The following DENND6A variants were observed in gnomAD, a reference collection of about 807,000 sequenced individuals.
DENND6A encodes the protein DENN domain containing 6A.
In DENND6A, 43 loss-of-function variants were observed where a neutral mutation model predicts 95.5. The observed-to-expected ratio is 0.45, with a 90% CI of 0.35 to 0.58. The LOEUF (loss-of-function observed/expected upper bound fraction) is 0.58, where lower values mean the gene tolerates loss of function less well. Ranked by LOEUF, DENND6A falls within the 20% of genes least tolerant of loss-of-function variation. The pLI, the probability that DENND6A is intolerant of heterozygous loss-of-function variation, is 0.00. For synonymous variants in DENND6A, 257 were observed against 260.4 expected, an observed-to-expected ratio of 0.99 and a Z score of 0.13; for missense variants, 574 against 736.0, an observed-to-expected ratio of 0.78 and a Z score of 2.55.
chr3:57,664,738 C>T (rs1448131956), intron 4 of DENND6A, among the ~76,000 whole-genome samples: 2 of 152,134 alleles, frequency 1.3e-5, no homozygotes, highest in Non-Finnish European at 2.9e-5. Flanking sequence ...GAGGCTGAGG[C>T]AGGAGAATCG....
At chr3:57,672,345 A>G (rs1575856565) in intron 2 of DENND6A, 47 bp from the exon 3 acceptor site, 1 of 1,609,772 alleles carries the variant, frequency 6.2e-7, no homozygotes, top group African/African-American at 1.3e-5. Flanking sequence ...TACATAATCA[A>G]TAAAAACAAA....
chr3:57,666,273 T>G, intron 3 of DENND6A, 38 bp from the exon 4 acceptor site: 1 of 1,457,170 alleles, frequency 6.9e-7, no homozygotes, highest in South Asian at 1.2e-5. Flanking sequence ...AAGGATAGCT[T>G]AGTATAACAT....
intron 1 of DENND6A, among the ~76,000 whole-genome samples, chr3:57,682,175 G>C (rs966359286): frequency 6.6e-6 from 1 of 150,636 alleles, no homozygotes; most frequent in Non-Finnish European, 1.5e-5. Context: ...ATATTCTGCG[G>C]GAAGCTGAAG....
intron 9 of DENND6A, among the ~76,000 whole-genome samples, chr3:57,651,328 T>C (rs1428620867): frequency 6.6e-6 from 1 of 152,208 alleles, no homozygotes; most frequent in Non-Finnish European, 1.5e-5. Context: ...AACCCCCTTA[T>C]AAGTCTAGGA....
At chr3:57,653,133 T>A (rs2071245100) in intron 9 of DENND6A, among the ~76,000 whole-genome samples, 1 of 152,204 alleles carries the variant, frequency 6.6e-6, no homozygotes, top group South Asian at 2.1e-4. Flanking sequence ...AAAAAAGTCT[T>A]CTGTATTGTA....
chr3:57,662,411 CA>C (rs2071440589), intron 5 of DENND6A, among the ~76,000 whole-genome samples: 1 of 151,752 alleles, frequency 6.6e-6, no homozygotes, highest in South Asian at 2.1e-4. Context: ...CCATGTTGCC[CA>C]GGCTGGTCTC....
At chr3:57,656,136 A>C (rs1163560555) in intron 9 of DENND6A, among the ~76,000 whole-genome samples, 1 of 152,242 alleles carries the variant, frequency 6.6e-6, no homozygotes, top group African/African-American at 2.4e-5. Flanking sequence ...CCAAAGATCT[A>C]GAATAGTTCC....
intron 12 of DENND6A, among the ~76,000 whole-genome samples, chr3:57,635,558 G>T (rs1034271624): frequency 1.3e-5 from 2 of 152,076 alleles, no homozygotes; most frequent in Non-Finnish European, 2.9e-5. Flanking sequence ...ACAATCTAGA[G>T]ATTATATTAT....
chr3:57,638,647 A>C (rs1234548168), intron 12 of DENND6A, among the ~76,000 whole-genome samples: 1 of 151,798 alleles, frequency 6.6e-6, no homozygotes, highest in Non-Finnish European at 1.5e-5. Flanking sequence ...ACAGGGTGAG[A>C]CTCCGTTTCA....
At position 57,641,872 on chromosome 3, in the gene DENND6A, C is replaced by T. The variant is rs560327582; in HGVS notation, c.1038-125G>A. On this transcript the variant is annotated intron_variant, in intron 11 of 19. Coordinates refer to ENST00000311128, the MANE Select transcript of DENND6A (RefSeq NM_152678.3). ...AGATTGATTTTTCCTTTATTCAACA[C>T]ATTACATATCAACTACATGCCAGGC... 1.1e-4 allele frequency: 68 copies of T among 646,226 alleles called. 1 individual carries two copies. Among genetic ancestry groups the T allele is most frequent in the South Asian group, 1.9e-4 (8 of 41,948 alleles). 40.0% of individuals were successfully genotyped at this position (646,226 alleles called of 1,614,324 possible).
intron 15 of DENND6A, 67 bp downstream of exon 15, chr3:57,633,198 C>T (rs1275782006): frequency 1.9e-5 from 25 of 1,323,554 alleles, no homozygotes; most frequent in East Asian, 9.3e-5. Context: ...TTTTGGAGGG[C>T]GGGAAAAACA....
chr3:57,641,839 C>A, intron 11 of DENND6A, 92 bp from the exon 12 acceptor site: 1 of 1,020,032 alleles, frequency 9.8e-7, no homozygotes, highest in Non-Finnish European at 1.4e-6. Context: ...TTTCAATGAA[C>A]AATACACAGA....
intron 11 of DENND6A, 35 bp downstream of exon 11, chr3:57,645,626 G>A: frequency 6.7e-7 from 1 of 1,498,066 alleles, no homozygotes; most frequent in Non-Finnish European, 9.2e-7. Flanking sequence ...GGTTATAAAG[G>A]TAATACCTGG....
chr3:57,682,118 G>A (rs546282133), intron 1 of DENND6A, among the ~76,000 whole-genome samples: 34 of 151,860 alleles, frequency 2.2e-4, no homozygotes, highest in African/African-American at 8.2e-4. Flanking sequence ...CATTTCCTAT[G>A]TATCTTTCAA....
intron 9 of DENND6A, among the ~76,000 whole-genome samples, chr3:57,648,792 G>A (rs1331269805): frequency 6.6e-6 from 1 of 152,158 alleles, no homozygotes; most frequent in East Asian, 1.9e-4. Context: ...AACAAATGGT[G>A]CTGAGATAAT....
chr3:57,634,838 A>G (rs2070758387), intron 12 of DENND6A, 69 bp from the exon 13 acceptor site: 8 of 1,263,838 alleles, frequency 6.3e-6, no homozygotes, highest in Non-Finnish European at 8.6e-6. Context: ...GGAACTTTAT[A>G]AGATTTATAA....
intron 4 of DENND6A, chr3:57,665,901 TATAA>T: frequency 2.4e-6 from 1 of 415,884 alleles, no homozygotes; most frequent in Non-Finnish European, 4.3e-6. Context: ...AATCCATTTT[TATAA>T]ATCACAGTGA....
chr3:57,660,313 T>C (rs955388432), intron 7 of DENND6A, among the ~76,000 whole-genome samples: 5 of 151,618 alleles, frequency 3.3e-5, no homozygotes, highest in Admixed American at 2.6e-4. Context: ...CCCAAGTACC[T>C]AGGACTACAG....
intron 12 of DENND6A, 60 bp downstream of exon 12, chr3:57,641,589 AAAAG>A: frequency 2.2e-6 from 3 of 1,365,686 alleles, no homozygotes; most frequent in Non-Finnish European, 2.0e-6. Context: ...ATCAAGGATG[AAAAG>A]AAAGAAACCT....
Sources: allele counts gnomAD v4.1 joint callset (sites outside exome capture counted in the v4.1 genomes callset), GRCh38; gene constraint gnomAD v4.1.1; transcripts MANE v1.5; gene names NCBI Gene and HGNC (gene_info 2026-07-23, HGNC 2026-07-21).